WDR70: variants seen among roughly 807,000 people sequenced by gnomAD.
The protein encoded by WDR70 is WD repeat-containing protein 70.
WDR70 carries 53 observed loss-of-function variants against 88.6 expected under a neutral mutation model. The ratio of observed to expected loss-of-function variants is 0.60; its 90% confidence interval spans 0.48 to 0.75. The LOEUF (loss-of-function observed/expected upper bound fraction) is 0.75. Among genes scored for constraint, WDR70 ranks in the 30% least tolerant of loss-of-function variants. The pLI is 0.00. For missense variants in WDR70, 610 were observed against 823.2 expected (o/e 0.74, Z 3.17); for synonymous variants, 280 against 270.0 (o/e 1.04, Z -0.36).
chr5:37,697,876 C>A (rs1747030566), intron 11 of WDR70, 122 bp downstream of exon 11: 1 of 663,246 alleles, frequency 1.5e-6, no homozygotes, highest in African/African-American at 1.8e-5. Context: ...TGCACCTTTG[C>A]CAGTCTGATT....
At chr5:37,568,439 A>G (rs2112398188) in intron 9 of WDR70, among the ~76,000 whole-genome samples, 1 of 152,320 alleles carries the variant, frequency 6.6e-6, no homozygotes, top group Admixed American at 6.5e-5. Context: ...TAACTTTCTC[A>G]GGTCTTGTTG....
intron 5 of WDR70, among the ~76,000 whole-genome samples, chr5:37,416,535 AG>A (rs1219135368): frequency 1.8e-4 from 26 of 147,546 alleles, no homozygotes; most frequent in Admixed American, 1.7e-3. Flanking sequence ...GGAGAGGGAG[AG>A]GGAGATCGTG....
intron 9 of WDR70, among the ~76,000 whole-genome samples, chr5:37,554,676 ACG>A (rs113185133): frequency 9.8e-6 from 1 of 102,064 alleles, no homozygotes. Flanking sequence ...ATGCACCTGC[ACG>A]CACACACACA....
At chr5:37,708,291 A>T (rs1032644932) in intron 13 of WDR70, among the ~76,000 whole-genome samples, 1 of 151,586 alleles carries the variant, frequency 6.6e-6, no homozygotes, top group African/African-American at 2.4e-5. Context: ...AAGTATTATG[A>T]TGATCATTGT....
At chr5:37,504,895 AG>A (rs1740514441) in intron 8 of WDR70, among the ~76,000 whole-genome samples, 2 of 152,220 alleles carry the variant, frequency 1.3e-5, no homozygotes, top group Admixed American at 6.5e-5. Flanking sequence ...TAAGGACACC[AG>A]GTCATTGGTA....
chr5:37,489,166 T>G (rs1739985637), intron 8 of WDR70, among the ~76,000 whole-genome samples: 1 of 152,240 alleles, frequency 6.6e-6, no homozygotes, highest in Admixed American at 6.5e-5. Flanking sequence ...GCCAGTCTTC[T>G]GGCCCCAGTG....
chr5:37,430,087 T>C (rs1322461869), intron 5 of WDR70, among the ~76,000 whole-genome samples: 4 of 152,256 alleles, frequency 2.6e-5, no homozygotes, highest in African/African-American at 9.6e-5. Context: ...TAAGTTTTAA[T>C]GTTTTTTGTT....
chr5:37,498,117 C>T (rs923091696), intron 8 of WDR70, among the ~76,000 whole-genome samples: 6 of 152,126 alleles, frequency 3.9e-5, no homozygotes, highest in African/African-American at 4.8e-5. Context: ...CCACTGCACC[C>T]GGCTGGTTGC....
Position 37,645,183 on chromosome 5 carries a change from A to AT in WDR70, c.1092+39956dup, listed in dbSNP as rs946315514. ...TTTGGCATGTTATATTTCTGGTACC[A>AT]TTTTTTTTTTTCAAGAAATTTTTCA... On this transcript the variant is annotated intron_variant, in intron 10 of 17. Transcript: ENST00000265107. Among the ~76,000 whole-genome samples, 42 of 117,422 alleles carry AT rather than the reference A, an allele frequency of 3.6e-4. No homozygotes were observed. In the South Asian group the frequency reaches 4.0e-3, roughly 11 times the overall value. The allele number at this position is 117,422 out of a possible 152,430, so 77.0% of individuals were successfully genotyped here.
Position 37,588,799 on chromosome 5 carries a change from T to C in WDR70, c.918-16265T>C, listed in dbSNP as rs954451605. 2.6e-5 allele frequency among the ~76,000 whole-genome samples: 4 copies of C among 152,086 alleles called. No individual in the cohort carries two copies. In the East Asian group the frequency reaches 7.7e-4, roughly 29 times the overall value. ...TTTATTTTGAGACAGAGTCTTGTTC[T>C]GTCACCCAGGTTAGAGTGCAGTGGC... On this transcript the variant is annotated intron_variant, in intron 9 of 17. Coordinates refer to ENST00000265107, the MANE Select transcript of WDR70 (RefSeq NM_018034.4).
intron 7 of WDR70, among the ~76,000 whole-genome samples, chr5:37,479,249 G>A (rs1739579176): frequency 6.6e-6 from 1 of 152,152 alleles, no homozygotes; most frequent in Non-Finnish European, 1.5e-5. Flanking sequence ...GCTGAAAGAG[G>A]GAGAGTTGGT....
rs780135704 is a variant in WDR70, at chr5:37,703,042, G to T, written c.1371G>T (p.Glu457Asp). 3.7e-6 allele frequency: 6 copies of T among 1,613,874 alleles called. No homozygotes were observed. The South Asian group carries it at 5.5e-5, about 15-fold the overall frequency. ...GCGSGKLVFFERRTFQRVYEI... is the reference protein window; with the variant it reads ...GCGSGKLVFFDRRTFQRVYEI... ...GCAGCGGCAAACTTGTTTTCTTTGA[G>T]CGTAGGACTTTCCAAAGGGTGTATG... Residue 457 changes from glutamate (E) to aspartate (D), a missense_variant, in exon 13 of 18, where the codon GAG (glutamate) becomes GAT (aspartate). Around this residue, in one of 4 missense-constraint regions of WDR70, gnomAD observed 254 missense variants for 300.7 expected, o/e 0.84. Coordinates refer to ENST00000265107, the MANE Select transcript of WDR70 (RefSeq NM_018034.4).
chr5:37,397,464 T>C (rs1749053223), intron 5 of WDR70, among the ~76,000 whole-genome samples: 1 of 86,738 alleles, frequency 1.2e-5, no homozygotes, highest in African/African-American at 4.5e-5. Flanking sequence ...AGCAAAACTC[T>C]GTTTCAAAAA....
At chr5:37,616,273 T>C (rs1373694198) in intron 10 of WDR70, among the ~76,000 whole-genome samples, 2 of 152,020 alleles carry the variant, frequency 1.3e-5, no homozygotes, top group African/African-American at 4.8e-5. Context: ...CGCGCCACCA[T>C]GCCCGGCTAA....
At chr5:37,560,809 A>T (rs940336493) in intron 9 of WDR70, among the ~76,000 whole-genome samples, 5 of 130,980 alleles carry the variant, frequency 3.8e-5, no homozygotes, top group Non-Finnish European at 3.2e-5. Context: ...GCAGAAGCAG[A>T]TTTTTTTTTT....
chr5:37,674,685 A>G lies in WDR70; in HGVS notation c.1093-22970A>G, dbSNP rs1205170911. ...CTTTGCTATTGTGAATAGTCCCGCAATAAACATACGTGTGCATGTGTCTTT... is the reference window on the plus strand; with the variant it reads ...CTTTGCTATTGTGAATAGTCCCGCAGTAAACATACGTGTGCATGTGTCTTT... On this transcript the variant is annotated intron_variant, in intron 10 of 17. Transcript: ENST00000265107. Among the ~76,000 whole-genome samples the G allele has an allele frequency of 6.6e-5, 10 of 152,224 alleles. No individual in the cohort carries two copies. In the East Asian group the frequency reaches 1.4e-3, roughly 21 times the overall value.
intron 10 of WDR70, among the ~76,000 whole-genome samples, chr5:37,640,636 T>C (rs1298240636): frequency 6.6e-6 from 1 of 152,232 alleles, no homozygotes; most frequent in African/African-American, 2.4e-5. Flanking sequence ...CTTTTGATCT[T>C]AAAGCAGCAT....
At chr5:37,579,516 G>A (rs951089036) in intron 9 of WDR70, among the ~76,000 whole-genome samples, 3 of 149,930 alleles carry the variant, frequency 2.0e-5, no homozygotes, top group Admixed American at 6.6e-5. Flanking sequence ...CTCAGGAGGC[G>A]GAGGTTGCAG....
chr5:37,632,254 A>G (rs1471430864), intron 10 of WDR70, among the ~76,000 whole-genome samples: 1 of 152,228 alleles, frequency 6.6e-6, no homozygotes, highest in African/African-American at 2.4e-5. Flanking sequence ...ACAGTTATGT[A>G]TAGTACAAAA....
Sources: allele counts gnomAD v4.1 joint callset (sites outside exome capture counted in the v4.1 genomes callset), GRCh38; gene constraint gnomAD v4.1.1; regional missense constraint gnomAD v4.1.1; transcripts MANE v1.5; gene names NCBI Gene and HGNC (gene_info 2026-07-23, HGNC 2026-07-21).